Variants in CFAP97D2 observed in about 807,000 individuals in gnomAD.
The protein encoded by CFAP97D2 is CFAP97 domain containing 2, also known as uncharacterized protein CFAP97D2.
intron 3 of CFAP97D2, among the ~76,000 whole-genome samples, chr13:114,204,848 A>G (rs1327764352): frequency 1.3e-5 from 2 of 152,236 alleles, no homozygotes; most frequent in Non-Finnish European, 2.9e-5. Context: ...GAAAATTAAC[A>G]ACTTTTGTGC....
intron 1 of CFAP97D2, among the ~76,000 whole-genome samples, chr13:114,195,269 C>G (rs1307977575): frequency 6.6e-6 from 1 of 152,248 alleles, no homozygotes; most frequent in East Asian, 1.9e-4. Context: ...ACTCCTCTGC[C>G]TCTATTTTCA....
At chr13:114,214,567 T>C (rs541735755) in intron 4 of CFAP97D2, among the ~76,000 whole-genome samples, 1 of 146,120 alleles carries the variant, frequency 6.8e-6, no homozygotes, top group South Asian at 2.2e-4. Flanking sequence ...ATTTGTCAAG[T>C]ACATATATTT....
At chr13:114,220,841 C>G (rs956592091) in intron 4 of CFAP97D2, among the ~76,000 whole-genome samples, 1 of 152,240 alleles carries the variant, frequency 6.6e-6, no homozygotes, top group Non-Finnish European at 1.5e-5. Flanking sequence ...TCATCTCGGA[C>G]AAAAGCTCAG....
At position 114,203,777 on chromosome 13, in the gene CFAP97D2, C is replaced by T. The variant is rs1024279980; in HGVS notation, c.290+3334C>T. Among the ~76,000 whole-genome samples the T allele has an allele frequency of 2.0e-5, 3 of 152,324 alleles. No individual in the cohort carries two copies. Among genetic ancestry groups the T allele is most frequent in the African/African-American group, 7.2e-5 (3 of 41,572 alleles). ...CAGTGCGCATGTGGGCATGTGCAGA[C>T]AAGGCCCTGGGCAGGTTCCCTCATC... On this transcript the variant is annotated intron_variant, in intron 3 of 4. Transcript: ENST00000646158. This position sits in a 1 kb window ranked among gnomAD's most constrained non-coding sequence, Gnocchi z 4.3.
intron 1 of CFAP97D2, among the ~76,000 whole-genome samples, chr13:114,183,129 T>C (rs2080842957): frequency 6.6e-6 from 1 of 152,176 alleles, no homozygotes; most frequent in Admixed American, 6.5e-5. Flanking sequence ...TCTCAGTCCA[T>C]TTCTGCCACT....
chr13:114,221,116 G>A (rs1034644551), intron 4 of CFAP97D2, among the ~76,000 whole-genome samples: 13 of 152,182 alleles, frequency 8.5e-5, no homozygotes, highest in Non-Finnish European at 2.9e-5. Context: ...GTGTAGTGGC[G>A]TGCGCCTGTA....
chr13:114,192,924 A>G (rs1594515305), intron 1 of CFAP97D2, among the ~76,000 whole-genome samples: 1 of 152,176 alleles, frequency 6.6e-6, no homozygotes, highest in African/African-American at 2.4e-5. Context: ...TATGCCAAAA[A>G]ACAAGCAATA....
chr13:114,200,462 C>G lies in CFAP97D2; in HGVS notation c.290+19C>G, dbSNP rs2080912429. The G allele has an allele frequency of 2.5e-6, 1 of 398,540 alleles. No homozygotes were observed. Among genetic ancestry groups the G allele is most frequent in the African/African-American group, 2.1e-5 (1 of 48,754 alleles). The allele number at this position is 398,540 out of a possible 1,614,324, so 24.7% of individuals were successfully genotyped here. On this transcript the variant is annotated intron_variant, in intron 3 of 4. Coordinates refer to ENST00000646158, the Ensembl canonical transcript of CFAP97D2. ...ACAGGAGGTAAGGGAGCGGCTCCTG[C>G]CATCCCACCCGGCTCAGCACCAAAC...
At chr13:114,221,900 C>CTGATGT (rs2081024087) in intron 4 of CFAP97D2, among the ~76,000 whole-genome samples, 2 of 152,154 alleles carry the variant, frequency 1.3e-5, no homozygotes, top group African/African-American at 4.8e-5. Context: ...CATGCAAAAA[C>CTGATGT]CCATACACTG....
At chr13:114,209,506 C>T (rs545043261) in intron 3 of CFAP97D2, among the ~76,000 whole-genome samples, 46 of 152,026 alleles carry the variant, frequency 3.0e-4, no homozygotes, top group African/African-American at 1.1e-3. Flanking sequence ...TTCGTGTAGG[C>T]CTAGCTCTTA....
rs1404930740 is a variant in CFAP97D2 at position 114,211,944 on chromosome 13, G to T, written c.323G>T (p.Arg108Leu). 1 of 398,704 alleles carries T rather than the reference G, an allele frequency of 2.5e-6. No individual in the cohort carries two copies. The allele number at this position is 398,704 out of a possible 1,614,324, so 24.7% of individuals were successfully genotyped here. A position where few individuals can be genotyped will look rare whatever the true frequency, so the allele number is the denominator to read the frequency against. Residue 108 changes from arginine (R) to leucine (L), a missense_variant, in exon 4 of 5, where the codon CGC becomes CTC. By Grantham distance (102) the Arg-to-Leu change is moderately radical (BLOSUM62 -2). Coordinates refer to ENST00000646158, the Ensembl canonical transcript of CFAP97D2. This position sits in a 1 kb window ranked among gnomAD's most constrained non-coding sequence, Gnocchi z 4.2. The stretch of plus-strand genomic sequence containing the variant: ...AGGGGGAAGAGAGAACAGGAACTTC[G>T]CAGAGTGCGGAAGAAAACACGGCCA...
At chr13:114,197,281 A>AT (rs1555349832) in intron 2 of CFAP97D2, among the ~76,000 whole-genome samples, 2 of 148,898 alleles carry the variant, frequency 1.3e-5, no homozygotes, top group Non-Finnish European at 1.5e-5. Context: ...ATAGTTATAT[A>AT]TTTTTTAAAC....
At chr13:114,191,184 T>C (rs1220274478) in intron 1 of CFAP97D2, among the ~76,000 whole-genome samples, 1 of 152,216 alleles carries the variant, frequency 6.6e-6, no homozygotes, top group Non-Finnish European at 1.5e-5. Flanking sequence ...TGACTTTTTT[T>C]TTTAAATCAG....
At chr13:114,179,266 C>T (rs9525292), upstream of CFAP97D2, 21,100 of 398,450 alleles carry the variant, frequency 0.053, 644 homozygotes, top group African/African-American at 0.095. The surrounding 1 kb of genome is among the most constrained non-coding windows in gnomAD (Gnocchi z 4.8). Flanking sequence ...CACAGCGTCT[C>T]CAGGTCTGCA....
At chr13:114,214,085 C>A (rs76763580) in intron 4 of CFAP97D2, 8,162 of 152,748 alleles carry the variant, frequency 0.053, 389 homozygotes, top group African/African-American at 0.13. Context: ...CAACCCCGGA[C>A]AAGTTCTAGG....
intron 4 of CFAP97D2, among the ~76,000 whole-genome samples, chr13:114,215,111 C>T (rs1211583527): frequency 6.6e-6 from 1 of 151,364 alleles, no homozygotes; most frequent in Non-Finnish European, 1.5e-5. Flanking sequence ...CACCTAATTG[C>T]CCCCCACAAA....
In CFAP97D2 at chr13:114,198,634, G is replaced by C. The variant is rs200574549; in HGVS notation, c.172-1691G>C. ...AAGCAGCTGGTGGTCCCCGCTGAGG[G>C]GTGACGGCGCGTCCCCGTGTTTACG... is the stretch of plus-strand genomic sequence containing the variant. On this transcript the variant is annotated intron_variant, in intron 2 of 4. Transcript: ENST00000646158. Among the ~76,000 whole-genome samples, 583 of 143,472 alleles carry C rather than the reference G, an allele frequency of 4.1e-3. 47 individuals are homozygous for C. The highest frequency in any genetic ancestry group is 0.027 in the Admixed American group (361 of 13,304). 94.1% of individuals were successfully genotyped at this position (143,472 alleles called of 152,430 possible).
chr13:114,182,727 C>CTT (rs1162569924), intron 1 of CFAP97D2, among the ~76,000 whole-genome samples: 1 of 152,210 alleles, frequency 6.6e-6, no homozygotes, highest in Non-Finnish European at 1.5e-5. Context: ...CCCTAGATCC[C>CTT]TTAAACCTTG....
Position 114,203,393 on chromosome 13 carries a change from T to C in CFAP97D2, c.290+2950T>C, listed in dbSNP as rs996560420. Among the ~76,000 whole-genome samples the C allele has an allele frequency of 1.4e-4, 22 of 152,164 alleles. No homozygotes were observed. Among genetic ancestry groups the C allele is most frequent in the African/African-American group, 4.8e-4 (20 of 41,444 alleles). On this transcript the variant is annotated intron_variant, in intron 3 of 4. Coordinates refer to ENST00000646158, the Ensembl canonical transcript of CFAP97D2. The surrounding 1 kb of genome is among the most constrained non-coding windows in gnomAD (Gnocchi z 4.3). ...TTTATACTCCAAAAACTACAAACCG[T>C]CATCCACAAAAATTGAAGATCTAAA...
Sources: allele counts gnomAD v4.1 joint callset (sites outside exome capture counted in the v4.1 genomes callset), GRCh38; gene constraint gnomAD v4.1.1; non-coding constraint Gnocchi (gnomAD v3.1); transcripts MANE v1.5; gene names NCBI Gene and HGNC (gene_info 2026-07-23, HGNC 2026-07-21).